Variants in MCF2L observed in about 807,000 individuals in gnomAD.
MCF2L encodes guanine nucleotide exchange factor DBS.
In MCF2L, 97 loss-of-function variants were observed where a neutral mutation model predicts 153.4. The ratio of observed to expected loss-of-function variants is 0.63; its 90% CI spans 0.54 to 0.75. The LOEUF is 0.75. Ranked by LOEUF, MCF2L falls within the 30% of genes least tolerant of loss-of-function variation. MCF2L has a pLI of 0.00. For synonymous variants in MCF2L, 659 were observed against 632.2 expected, an observed-to-expected ratio of 1.04 and a Z score of -0.64; for missense variants, 1,347 against 1,495.2, an observed-to-expected ratio of 0.90 and a Z score of 1.64.
intron 1 of MCF2L, among the ~76,000 whole-genome samples, chr13:112,895,061 C>T (rs962056003): frequency 1.3e-5 from 2 of 152,160 alleles, no homozygotes; most frequent in Non-Finnish European, 2.9e-5. Context: ...GCGGGAAGGC[C>T]GTGGAGCGCG....
At chr13:113,029,200 G>A (rs1289953926) in intron 3 of MCF2L, among the ~76,000 whole-genome samples, 2 of 152,204 alleles carry the variant, frequency 1.3e-5, no homozygotes, top group African/African-American at 2.4e-5. Flanking sequence ...GGGCCTGTAA[G>A]AGCCACCTGT....
chr13:112,992,343 A>G (rs1333000792), intron 1 of MCF2L, among the ~76,000 whole-genome samples: 9 of 152,196 alleles, frequency 5.9e-5, no homozygotes, highest in Admixed American at 5.9e-4. Flanking sequence ...GTGGGAGCCA[A>G]TGGATGTATA....
At chr13:113,041,305 C>T (rs980549678) in intron 3 of MCF2L, among the ~76,000 whole-genome samples, 2 of 152,210 alleles carry the variant, frequency 1.3e-5, no homozygotes, top group East Asian at 1.9e-4. Flanking sequence ...ATCCGAGCTC[C>T]GTGAGCCCTG....
At chr13:112,959,046 G>GTCGCA (rs2081793288) in intron 2 of MCF2L, among the ~76,000 whole-genome samples, 1 of 152,206 alleles carries the variant, frequency 6.6e-6, no homozygotes, top group African/African-American at 2.4e-5. Context: ...CAGAATGAGC[G>GTCGCA]TCGCATCCCA....
chr13:113,050,230 G>C (rs150599249), intron 4 of MCF2L, among the ~76,000 whole-genome samples: 51 of 151,612 alleles, frequency 3.4e-4, no homozygotes, highest in African/African-American at 1.1e-3. Context: ...CTGTGTGAGT[G>C]TGTGAGTGTG....
chr13:113,007,980 A>G (rs1408291871), intron 1 of MCF2L, among the ~76,000 whole-genome samples: 3 of 149,618 alleles, frequency 2.0e-5, no homozygotes, highest in South Asian at 2.1e-4. Flanking sequence ...GCAGTGGCAC[A>G]ATCTCAGCTC....
At chr13:112,944,167 T>C (rs1429107821) in intron 2 of MCF2L, among the ~76,000 whole-genome samples, 1 of 136,206 alleles carries the variant, frequency 7.3e-6, no homozygotes, top group Non-Finnish European at 1.6e-5. Context: ...TCCTGGACTA[T>C]GAAGGGAGGC....
chr13:112,917,148 C>T lies in MCF2L; in HGVS notation c.169+14777C>T, dbSNP rs762168809. ...GATCTCAGTCCCCTGGCTTGTGACC[C>T]ACCTGAGTGTGATGATTCCTAGTCC... On this transcript the variant is annotated intron_variant, in intron 2 of 29. Coordinates refer to the MCF2L transcript ENST00000375608. 1.1e-3 allele frequency: 519 copies of T among 471,278 alleles called. 1 individual carries two copies. Among genetic ancestry groups the T allele is most frequent in the Non-Finnish European group, 1.2e-3 (276 of 227,060 alleles). The allele number at this position is 471,278 out of a possible 1,614,324, so 29.2% of individuals were successfully genotyped here. A position where few individuals can be genotyped will look rare whatever the true frequency, so the allele number is the denominator to read the frequency against.
In MCF2L at chr13:112,950,546, A is replaced by G. The variant is rs1170805476; in HGVS notation, c.169+48175A>G. On this transcript the variant is annotated intron_variant, in intron 2 of 29. Transcript: ENST00000375608. ...TGGGCAGACTGACAGATAATAGAAC[A>G]GAACAGAGAACTCAGAAACAGACCC... 3.9e-5 allele frequency among the ~76,000 whole-genome samples: 6 copies of G among 152,346 alleles called. No individual in the cohort carries two copies. In the East Asian group the frequency reaches 5.8e-4, roughly 15 times the overall value.
At chr13:113,082,793 G>C (rs1173035056) in intron 17 of MCF2L, among the ~76,000 whole-genome samples, 1 of 152,194 alleles carries the variant, frequency 6.6e-6, no homozygotes, top group Non-Finnish European at 1.5e-5. Context: ...GCCGTGAGGA[G>C]AGGGCTCTGA....
chr13:112,913,208 T>G (rs1435867766), intron 2 of MCF2L, among the ~76,000 whole-genome samples: 1 of 150,962 alleles, frequency 6.6e-6, no homozygotes, highest in East Asian at 1.9e-4. Context: ...GGTGTATCTC[T>G]GTATGTATGG....
intron 1 of MCF2L, chr13:113,002,107 G>T: frequency 8.3e-7 from 1 of 1,206,892 alleles, no homozygotes; most frequent in South Asian, 1.8e-5. Flanking sequence ...TGGGGCAGAA[G>T]CCCGGGGCTG....
chr13:112,947,485 G>C (rs1170557658), intron 2 of MCF2L, among the ~76,000 whole-genome samples: 1 of 152,202 alleles, frequency 6.6e-6, no homozygotes, highest in Non-Finnish European at 1.5e-5. Context: ...CACAAGTTCT[G>C]TGCTTCCACA....
chr13:113,045,406 G>A lies in MCF2L; in HGVS notation c.369+45G>A. On this transcript the variant is annotated intron_variant, in intron 4 of 29. Transcript: ENST00000535094. This position sits in a 1 kb window ranked among gnomAD's most constrained non-coding sequence, Gnocchi z 4.2. ...CTGCCCTGCGCCCGGCCCCTCCCTG[G>A]GCTGCATGACCGCATGGTGCCCTTC... 3.3e-6 allele frequency: 5 copies of A among 1,502,528 alleles called. No individual in the cohort carries two copies. Among genetic ancestry groups the A allele is most frequent in the Non-Finnish European group, 4.6e-6 (5 of 1,079,906 alleles). The allele number at this position is 1,502,528 out of a possible 1,614,324, so 93.1% of individuals were successfully genotyped here. A position where few individuals can be genotyped will look rare whatever the true frequency, so the allele number is the denominator to read the frequency against.
At chr13:112,988,907 C>G (rs12872761) in intron 1 of MCF2L, among the ~76,000 whole-genome samples, 49 of 66,672 alleles carry the variant, frequency 7.3e-4, no homozygotes, top group South Asian at 1.3e-3. Context: ...CTGAGCAGGA[C>G]ATGGAGCTAC....
intron 23 of MCF2L, 129 bp downstream of exon 23, chr13:113,087,928 G>T: frequency 2.7e-6 from 2 of 740,114 alleles, no homozygotes; most frequent in Non-Finnish European, 4.7e-6. Context: ...TCAGGATGCT[G>T]CCCTGGGCTG....
intron 2 of MCF2L, among the ~76,000 whole-genome samples, chr13:113,018,931 A>G (rs1275098739): frequency 6.6e-6 from 1 of 152,218 alleles, no homozygotes; most frequent in Non-Finnish European, 1.5e-5. Flanking sequence ...TCAGCCATCC[A>G]GGAACCTGGA....
intron 2 of MCF2L, among the ~76,000 whole-genome samples, chr13:112,942,424 T>TG (rs1242457635): frequency 6.6e-5 from 10 of 152,294 alleles, no homozygotes; most frequent in African/African-American, 2.4e-4. Flanking sequence ...CCCTTTGTCT[T>TG]GTATCCAATA....
chr13:113,010,769 G>A (rs1174028683), intron 1 of MCF2L, among the ~76,000 whole-genome samples: 1 of 152,236 alleles, frequency 6.6e-6, no homozygotes, highest in Non-Finnish European at 1.5e-5. Flanking sequence ...GCAGGGCTCA[G>A]TGAGGGAGCT....
Sources: gnomAD v4.1 joint callset for allele counts (sites outside exome capture counted in the v4.1 genomes callset) on GRCh38, gnomAD v4.1.1 for gene constraint, Gnocchi (gnomAD v3.1) non-coding constraint, MANE v1.5 for transcripts, NCBI Gene and HGNC (gene_info 2026-07-23, HGNC 2026-07-21) for gene names.